CCDC181: variants seen among roughly 807,000 people sequenced by gnomAD.
CCDC181 encodes coiled-coil domain-containing protein 181.
A neutral mutation model predicts 58.7 loss-of-function variants in CCDC181; 35 were observed. That is an observed-to-expected ratio of 0.60 (90% CI 0.46 to 0.79). CCDC181 has a LOEUF of 0.79. CCDC181 is among the 30% of genes least tolerant of loss of function. The pLI, the probability that CCDC181 is intolerant of heterozygous loss-of-function variation, is 0.00. For missense variants in CCDC181, 517 were observed against 583.9 expected (o/e 0.89, Z 1.18); for synonymous variants, 183 against 197.5 (o/e 0.93, Z 0.62).
intron 2 of CCDC181, among the ~76,000 whole-genome samples, chr1:169,452,388 T>G (rs1241654031): frequency 6.6e-6 from 1 of 152,100 alleles, no homozygotes; most frequent in Non-Finnish European, 1.5e-5. Context: ...ATGGGGATTC[T>G]AAACTAAATA....
upstream of CCDC181, among the ~76,000 whole-genome samples, chr1:169,429,865 A>G (rs115510491): frequency 0.013 from 1,957 of 152,308 alleles, 41 homozygotes; most frequent in African/African-American, 0.043. Context: ...ATTCTTGGTC[A>G]TGAAGTCTTT....
intron 4 of CCDC181, among the ~76,000 whole-genome samples, chr1:169,399,851 C>A (rs1034507296): frequency 6.6e-6 from 1 of 152,116 alleles, no homozygotes; most frequent in African/African-American, 2.4e-5. Context: ...TTCCAGACAA[C>A]GGTATAGGAA....
At chr1:169,455,867 T>C (rs529161172) in intron 2 of CCDC181, among the ~76,000 whole-genome samples, 1 of 152,178 alleles carries the variant, frequency 6.6e-6, no homozygotes, top group Non-Finnish European at 1.5e-5. Flanking sequence ...TTCTAAAATA[T>C]GTGTTTTTAG....
intron 2 of CCDC181, chr1:169,443,203 A>G (rs1007672903): frequency 6.6e-6 from 1 of 151,946 alleles, no homozygotes; most frequent in African/African-American, 2.4e-5. Context: ...CCAGAAATAC[A>G]TTTCTTAAAA....
At chr1:169,402,752 C>A (rs933139335) in intron 4 of CCDC181, among the ~76,000 whole-genome samples, 2 of 152,112 alleles carry the variant, frequency 1.3e-5, no homozygotes, top group African/African-American at 2.4e-5. Flanking sequence ...CATCAACTAA[C>A]GAGCAAAATA....
chr1:169,453,876 G>A (rs1001982299), intron 2 of CCDC181, among the ~76,000 whole-genome samples: 46 of 152,036 alleles, frequency 3.0e-4, no homozygotes, highest in Non-Finnish European at 6.3e-4. Context: ...TTGCATAGCT[G>A]ACAAATCCCA....
At chr1:169,458,899 G>T (rs1657754791) in intron 2 of CCDC181, among the ~76,000 whole-genome samples, 1 of 151,298 alleles carries the variant, frequency 6.6e-6, no homozygotes, top group Non-Finnish European at 1.5e-5. Flanking sequence ...TGATCTGAGA[G>T]TAATAGTCCA....
chr1:169,400,818 A>T lies in CCDC181; in HGVS notation c.1216-3427T>A, dbSNP rs1190785549. On this transcript the variant is annotated intron_variant, in intron 4 of 5. Coordinates refer to ENST00000367806, the MANE Select transcript of CCDC181 (RefSeq NM_001300969.2). ...GGTTCATCTCACTGGGGCTTGTCAG[A>T]CAGTGGGTGCAGCCCACAGAGCACA... 2.0e-5 allele frequency among the ~76,000 whole-genome samples: 3 copies of T among 152,160 alleles called. 1 individual carries two copies. The highest frequency in any genetic ancestry group is 4.4e-5 in the Non-Finnish European group (3 of 68,008).
chr1:169,444,622 A>AT (rs1453950321), intron 2 of CCDC181, among the ~76,000 whole-genome samples: 2 of 152,130 alleles, frequency 1.3e-5, no homozygotes, highest in African/African-American at 2.4e-5. Flanking sequence ...AAAAATTGGG[A>AT]TTTTTTTAAA....
upstream of CCDC181, among the ~76,000 whole-genome samples, chr1:169,431,023 A>G (rs533674240): frequency 1.4e-4 from 22 of 152,312 alleles, no homozygotes; most frequent in African/African-American, 4.8e-4. Flanking sequence ...TCTGCAGGAA[A>G]GAGGATTTGC....
At chr1:169,410,304 C>T (rs1655894995) in intron 4 of CCDC181, among the ~76,000 whole-genome samples, 1 of 151,626 alleles carries the variant, frequency 6.6e-6, no homozygotes, top group South Asian at 2.1e-4. Flanking sequence ...AAGGGCATTA[C>T]ATAATCGTAA....
chr1:169,422,598 A>G (rs762393366), intron 2 of CCDC181, among the ~76,000 whole-genome samples: 1 of 152,160 alleles, frequency 6.6e-6, no homozygotes, highest in Non-Finnish European at 1.5e-5. Flanking sequence ...AGGTAACTAC[A>G]AATAACAATA....
intron 1 of CCDC181, among the ~76,000 whole-genome samples, chr1:169,426,993 T>C (rs1256669881): frequency 6.6e-6 from 1 of 152,192 alleles, no homozygotes; most frequent in Non-Finnish European, 1.5e-5. Context: ...GACAAAATTA[T>C]TACTTTCCAC....
intron 2 of CCDC181, among the ~76,000 whole-genome samples, chr1:169,447,099 A>C (rs1657398004): frequency 6.6e-6 from 1 of 151,888 alleles, no homozygotes; most frequent in African/African-American, 2.4e-5. Context: ...TAATCTCTAT[A>C]CTCTTAAAAG....
At chr1:169,446,442 C>CA (rs1286232995) in intron 2 of CCDC181, among the ~76,000 whole-genome samples, 5 of 150,670 alleles carry the variant, frequency 3.3e-5, no homozygotes, top group South Asian at 4.2e-4. Flanking sequence ...GACTCTGTCT[C>CA]AAAAAAAAAT....
rs184450013 is a variant in CCDC181, at chr1:169,399,716, A to G, written c.1216-2325T>C. Among the ~76,000 whole-genome samples, 96 of 152,364 alleles carry G rather than the reference A, an allele frequency of 6.3e-4. No individual in the cohort carries two copies. In the East Asian group the frequency reaches 0.012, roughly 20 times the overall value. On this transcript the variant is annotated intron_variant, in intron 4 of 5. Transcript: ENST00000367806. ...TCCATGATATCATAATTGGTATCAG[A>G]TTTACCCTTCTGCCCTAATTAGCTA...
At chr1:169,397,761 A>G (rs1242401417) in intron 4 of CCDC181, among the ~76,000 whole-genome samples, 1 of 152,168 alleles carries the variant, frequency 6.6e-6, no homozygotes, top group Non-Finnish European at 1.5e-5. Context: ...GATGGATAGT[A>G]TCTTCAGGGA....
intron 4 of CCDC181, among the ~76,000 whole-genome samples, chr1:169,414,732 A>T (rs912086425): frequency 2.6e-5 from 4 of 152,200 alleles, no homozygotes; most frequent in African/African-American, 9.6e-5. Context: ...ACAATCTATA[A>T]ATCTAAAGAT....
At chr1:169,460,171 A>G (rs1388780362) in intron 1 of CCDC181, 2 of 152,136 alleles carry the variant, frequency 1.3e-5, no homozygotes, top group Non-Finnish European at 2.9e-5. Flanking sequence ...AAACTATTTC[A>G]GTGGGTGATT....
Sources: allele counts gnomAD v4.1 joint callset (sites outside exome capture counted in the v4.1 genomes callset), GRCh38; gene constraint gnomAD v4.1.1; transcripts MANE v1.5; gene names NCBI Gene and HGNC (gene_info 2026-07-23, HGNC 2026-07-21).